Variants in ZRANB3 observed in about 807,000 individuals in gnomAD.
ZRANB3 encodes the protein zinc finger RANBP2-type containing 3, also known as DNA annealing helicase and endonuclease ZRANB3.
A neutral mutation model predicts 133.8 loss-of-function variants in ZRANB3; 125 were observed. The ratio of observed to expected loss-of-function variants is 0.93; its 90% CI spans 0.81 to 1.08. The LOEUF is 1.08. Ranked by LOEUF, ZRANB3 falls within the 50% of genes least tolerant of loss-of-function variation. ZRANB3 has a pLI of 0.00. For synonymous variants in ZRANB3, 387 were observed against 432.7 expected (o/e 0.89, Z 1.31); for missense variants, 1,229 against 1,275.5 (o/e 0.96, Z 0.56).
chr2:135,355,172 C>T (rs1160608802), intron 3 of ZRANB3: 1 of 946,766 alleles, frequency 1.1e-6, no homozygotes, highest in Non-Finnish European at 1.3e-6. Context: ...CTTTTAACTG[C>T]TCCTGTTAAC....
At chr2:135,248,562 A>G (rs935431752) in intron 12 of ZRANB3, among the ~76,000 whole-genome samples, 2 of 150,616 alleles carry the variant, frequency 1.3e-5, no homozygotes, top group East Asian at 1.9e-4. Context: ...TCCAGCATCT[A>G]TAAGAAACTT....
intron 2 of ZRANB3, among the ~76,000 whole-genome samples, chr2:135,434,482 A>G (rs1268297798): frequency 6.6e-6 from 1 of 152,244 alleles, no homozygotes; most frequent in Non-Finnish European, 1.5e-5. Flanking sequence ...AAGATAATCT[A>G]TCAGTTAAAA....
At chr2:135,363,210 C>A (rs1222444488) in intron 3 of ZRANB3, among the ~76,000 whole-genome samples, 2 of 151,968 alleles carry the variant, frequency 1.3e-5, no homozygotes, top group Non-Finnish European at 2.9e-5. Context: ...GCACTGTTGC[C>A]CAGGCTGGAG....
intron 3 of ZRANB3, among the ~76,000 whole-genome samples, chr2:135,374,277 G>A (rs533320712): frequency 6.6e-6 from 1 of 152,004 alleles, no homozygotes; most frequent in East Asian, 2.0e-4. Context: ...GTGGTGGCCA[G>A]TTCCTGTAAT....
At chr2:135,527,717 A>G (rs1049965879) in intron 1 of ZRANB3, among the ~76,000 whole-genome samples, 1 of 152,216 alleles carries the variant, frequency 6.6e-6, no homozygotes, top group African/African-American at 2.4e-5. Flanking sequence ...TAATACTGGT[A>G]TCTATTCAGC....
chr2:135,278,233 G>A (rs1317003599), intron 8 of ZRANB3, among the ~76,000 whole-genome samples: 1 of 152,062 alleles, frequency 6.6e-6, no homozygotes, highest in African/African-American at 2.4e-5. Context: ...CCAGAAAAGC[G>A]AAGAAAAGAT....
rs1457349159 is a variant in ZRANB3, at chr2:135,385,804, G to C, written c.180+4998C>G. Among the ~76,000 whole-genome samples the C allele has an allele frequency of 1.3e-5, 2 of 152,180 alleles. 1 individual carries two copies. The highest frequency in any genetic ancestry group is 2.9e-5 in the Non-Finnish European group (2 of 68,036). On this transcript the variant is annotated intron_variant, in intron 3 of 20. Coordinates refer to ENST00000264159, the MANE Select transcript of ZRANB3 (RefSeq NM_032143.4). ...TAGCCATGTGTAGAAAGCCGAAACT[G>C]GATCCCTGCTTTACACCTTATACAA...
intron 2 of ZRANB3, among the ~76,000 whole-genome samples, chr2:135,404,990 G>T (rs1391420767): frequency 6.6e-6 from 1 of 152,102 alleles, no homozygotes; most frequent in African/African-American, 2.4e-5. Context: ...ACATGTAAAT[G>T]GACTAAATGC....
chr2:135,467,196 TA>T (rs1691038865), intron 2 of ZRANB3, among the ~76,000 whole-genome samples: 1 of 152,164 alleles, frequency 6.6e-6, no homozygotes, highest in Non-Finnish European at 1.5e-5. Context: ...TGCTCCCATT[TA>T]AACAAATGAG....
At chr2:135,433,650 G>A (rs377751634) in intron 2 of ZRANB3, among the ~76,000 whole-genome samples, 6 of 152,242 alleles carry the variant, frequency 3.9e-5, no homozygotes, top group East Asian at 1.9e-4. Context: ...TCAGGAATTC[G>A]AGACCAGTCT....
intron 6 of ZRANB3, among the ~76,000 whole-genome samples, chr2:135,341,217 A>G (rs1684644523): frequency 6.7e-6 from 1 of 149,426 alleles, no homozygotes; most frequent in Non-Finnish European, 1.5e-5. Context: ...TTTAGTAGAG[A>G]CGGGGTTTCA....
chr2:135,507,775 G>A (rs547330364), intron 1 of ZRANB3, among the ~76,000 whole-genome samples: 3 of 151,946 alleles, frequency 2.0e-5, no homozygotes, highest in East Asian at 1.9e-4. Context: ...GGCAAACAGC[G>A]AGATCTTGTT....
intron 2 of ZRANB3, among the ~76,000 whole-genome samples, chr2:135,494,758 A>G (rs913531264): frequency 6.6e-6 from 1 of 152,216 alleles, no homozygotes; most frequent in Non-Finnish European, 1.5e-5. Flanking sequence ...GTGATGAAAC[A>G]TTATAAAAAT....
intron 17 of ZRANB3, among the ~76,000 whole-genome samples, chr2:135,214,882 T>C (rs1694241650): frequency 6.6e-6 from 1 of 152,220 alleles, no homozygotes; most frequent in African/African-American, 2.4e-5. Context: ...ACTGTACTCA[T>C]ACAGCATTAA....
chr2:135,386,019 G>A (rs764144075), intron 3 of ZRANB3, among the ~76,000 whole-genome samples: 7 of 152,198 alleles, frequency 4.6e-5, no homozygotes, highest in Non-Finnish European at 1.0e-4. Flanking sequence ...AAGATCCTCT[G>A]CAAGGCAAAA....
chr2:135,310,507 G>T (rs547289229), intron 8 of ZRANB3, among the ~76,000 whole-genome samples: 1 of 151,738 alleles, frequency 6.6e-6, no homozygotes, highest in South Asian at 2.1e-4. Context: ...GCATATAAAA[G>T]AATTATATGC....
chr2:135,224,491 G>A lies in ZRANB3; in HGVS notation c.2185C>T (p.Pro729Ser). The A allele has an allele frequency of 6.2e-7, 1 of 1,612,892 alleles. No individual in the cohort carries two copies. The highest frequency in any genetic ancestry group is 2.2e-5 in the East Asian group (1 of 44,808). The change falls in exon 15 of 21, where the codon CCA (proline) becomes TCA (serine). Residue 729 changes from proline (P) to serine (S), a missense_variant. Pro to Ser is a moderately conservative substitution (Grantham distance 74). Transcript: ENST00000264159. Reference protein sequence around the residue: ...NEQWKSSDTLPVYDTLMFCAS... With the variant: ...NEQWKSSDTLSVYDTLMFCAS... ...CAGAACATTAAGGTGTCATACACTG[G>A]CAAAGTGTCTGAACTCTTCCACTGT...
At chr2:135,413,848 G>C (rs1391812853) in intron 2 of ZRANB3, among the ~76,000 whole-genome samples, 1 of 151,926 alleles carries the variant, frequency 6.6e-6, no homozygotes, top group Non-Finnish European at 1.5e-5. Flanking sequence ...TTCATATCCA[G>C]CCAAACTAGG....
At chr2:135,387,309 T>G (rs1347145253) in intron 3 of ZRANB3, among the ~76,000 whole-genome samples, 1 of 152,224 alleles carries the variant, frequency 6.6e-6, no homozygotes, top group Non-Finnish European at 1.5e-5. Context: ...CTTCCTTCTC[T>G]GGCTTCACCA....
Sources: gnomAD v4.1 joint callset for allele counts (sites outside exome capture counted in the v4.1 genomes callset) on GRCh38, gnomAD v4.1.1 for gene constraint, MANE v1.5 for transcripts, NCBI Gene and HGNC (gene_info 2026-07-23, HGNC 2026-07-21) for gene names.